The following VPS18 variants were observed in gnomAD, a reference collection of about 807,000 sequenced individuals.
The protein encoded by VPS18 is vacuolar protein sorting-associated protein 18 homolog.
Under a neutral mutation model 82.0 loss-of-function variants are expected in VPS18, and 25 were observed. The ratio of observed to expected loss-of-function variants is 0.30; its 90% CI spans 0.22 to 0.43. VPS18 has a LOEUF of 0.43. Ranked by LOEUF, VPS18 falls within the 20% of genes least tolerant of loss-of-function variation. VPS18 has a pLI of 1.00. For missense variants in VPS18, 1,168 were observed against 1,311.1 expected, an observed-to-expected ratio of 0.89 and a Z score of 1.69; for synonymous variants, 523 against 543.0, an observed-to-expected ratio of 0.96 and a Z score of 0.51.
chr15:40,900,927 C>G lies in VPS18; in HGVS notation c.2109C>G (p.Leu703=). ...VHYDLKYALR[L]CAEHGHHRAC... ...ACGACCTCAAGTATGCGCTGCGGCT[C>G]TGCGCCGAGCATGGCCACCACCGCG... Residue 703 remains leucine (L), a synonymous_variant, in exon 4 of 5, where the codon CTC becomes CTG. Transcript: ENST00000220509. This position sits in a 1 kb window ranked among gnomAD's most constrained non-coding sequence, Gnocchi z 5.4. 6.2e-7 allele frequency: 1 copy of G among 1,613,420 alleles called. No individual in the cohort carries two copies. Among genetic ancestry groups the G allele is most frequent in the South Asian group, 1.1e-5 (1 of 91,088 alleles).
chr15:40,896,453 C>G (rs1305407022), intron 2 of VPS18, among the ~76,000 whole-genome samples: 1 of 151,676 alleles, frequency 6.6e-6, no homozygotes, highest in Non-Finnish European at 1.5e-5. Context: ...AAGAGGATCA[C>G]TTGAGCCCAG....
At chr15:40,898,866 T>A (rs570044377) in intron 2 of VPS18, 41 bp from the exon 3 acceptor site, 2 of 1,577,008 alleles carry the variant, frequency 1.3e-6, no homozygotes, top group East Asian at 2.2e-5. Flanking sequence ...CAAAAAAGGA[T>A]CTTCCCTTCT....
In VPS18 at chr15:40,896,009, G is replaced by C. The variant is rs1892223159; in HGVS notation, c.163G>C (p.Glu55Gln). The C allele has an allele frequency of 1.9e-6, 3 of 1,614,144 alleles. No homozygotes were observed. The highest frequency in any genetic ancestry group is 2.5e-6 in the Non-Finnish European group (3 of 1,180,038). The change falls in exon 2 of 5, where the codon GAG becomes CAG. Residue 55 changes from glutamate (E) to glutamine (Q), a missense_variant. Glu to Gln is a conservative substitution (Grantham distance 29). Around this residue, in one of 3 missense-constraint regions of VPS18, gnomAD observed 868 missense variants for 939.8 expected, o/e 0.92. Transcript: ENST00000220509. ...GCAGCGCATTGACTTCACCCCTTCC[G>C]AGCGCATTACCAGTCTTGTCGTCTC... Reference protein sequence around the residue: ...TKQRIDFTPSERITSLVVSSN... With the variant: ...TKQRIDFTPSQRITSLVVSSN...
Position 40,900,628 on chromosome 15 carries a change from C to T in VPS18, c.1810C>T (p.Arg604Cys), listed in dbSNP as rs763584245. ...LFYKFSPILI[R>C]HIPRQLVDAW... ...CTACAAGTTCTCACCCATCCTCATC[C>T]GTCACATCCCCCGCCAGCTTGTAGA... is the stretch of plus-strand genomic sequence containing the variant. Residue 604 changes from arginine (R) to cysteine (C), a missense_variant, in exon 4 of 5, where the codon CGT (arginine) becomes TGT (cysteine). Arg to Cys is a radical substitution (Grantham distance 180, BLOSUM62 -3). This residue lies in a region of VPS18 where 868 missense variants were observed against 939.8 expected (regional missense o/e 0.92). Transcript: ENST00000220509. This position sits in a 1 kb window ranked among gnomAD's most constrained non-coding sequence, Gnocchi z 5.4. The T allele has an allele frequency of 1.1e-5, 17 of 1,614,036 alleles. No individual in the cohort carries two copies. The highest frequency in any genetic ancestry group is 3.3e-5 in the Admixed American group (2 of 60,006).
chr15:40,900,703 G>T lies in VPS18; in HGVS notation c.1885G>T (p.Ala629Ser). The T allele has an allele frequency of 6.2e-7, 1 of 1,614,194 alleles. No individual in the cohort carries two copies. ...SRLDARQLIP[A>S]LVNYSQGGEV... ...GCTGGATGCTCGTCAGCTCATTCCTGCCCTGGTGAACTACAGCCAGGGTGG... is the reference window on the plus strand; with the variant it reads ...GCTGGATGCTCGTCAGCTCATTCCTTCCCTGGTGAACTACAGCCAGGGTGG... Residue 629 changes from alanine to serine, a missense_variant, in exon 4 of 5, where the codon GCC becomes TCC. Physicochemically the swap from Ala to Ser is moderately conservative, Grantham distance 99. Coordinates refer to ENST00000220509, the MANE Select transcript of VPS18 (RefSeq NM_020857.3). The surrounding 1 kb of genome is among the most constrained non-coding windows in gnomAD (Gnocchi z 5.4).
chr15:40,899,826 G>T lies in VPS18; in HGVS notation c.1008G>T (p.Leu336=). Residue 336 remains leucine, a synonymous_variant, in exon 4 of 5, where the codon CTG becomes CTT. Transcript: ENST00000220509. The surrounding 1 kb of genome is among the most constrained non-coding windows in gnomAD (Gnocchi z 4.4). The stretch of plus-strand genomic sequence containing the variant: ...TCGTCTTGACCCAGTTCCACTTCCT[G>T]CTGCTACTGGCAGACCGGGTGGAGG... ...LAIVLTQFHF[L]LLLADRVEAV... is the part of the protein sequence containing the mutation. 1 of 1,609,592 alleles carries T rather than the reference G, an allele frequency of 6.2e-7. No homozygotes were observed.
chr15:40,895,644 T>C (rs1892216342), intron 1 of VPS18, among the ~76,000 whole-genome samples: 1 of 152,126 alleles, frequency 6.6e-6, no homozygotes, highest in African/African-American at 2.4e-5. Context: ...ACCAGTCCCG[T>C]CCCACCTCCA....
In VPS18 at chr15:40,900,370, G is replaced by C; in HGVS notation, c.1552G>C (p.Glu518Gln). ...CCCAGAGGCCCTGACTCTCTACCGA[G>C]AAACCAAGGAATGCTTTCGAACCTT... Reference protein sequence around the residue: ...GDPEALTLYRETKECFRTFLS... With the variant: ...GDPEALTLYRQTKECFRTFLS... The change falls in exon 4 of 5, where the codon GAA becomes CAA. Residue 518 changes from glutamate (E) to glutamine (Q), a missense_variant. This residue lies in a region of VPS18 where 868 missense variants were observed against 939.8 expected (regional missense o/e 0.92). Transcript: ENST00000220509. This position sits in a 1 kb window ranked among gnomAD's most constrained non-coding sequence, Gnocchi z 5.4. 2 of 1,613,680 alleles carry C rather than the reference G, an allele frequency of 1.2e-6. No homozygotes were observed. Among genetic ancestry groups the C allele is most frequent in the Non-Finnish European group, 1.7e-6 (2 of 1,179,998 alleles).
At chr15:40,898,819 T>A in intron 2 of VPS18, 88 bp from the exon 3 acceptor site, 1 of 1,351,244 alleles carries the variant, frequency 7.4e-7, no homozygotes, top group Non-Finnish European at 1.0e-6. Flanking sequence ...GAAGTAAGTC[T>A]ATGGCTTTTA....
chr15:40,902,697 G>A lies in VPS18; in HGVS notation c.2278G>A (p.Ala760Thr). The A allele has an allele frequency of 6.2e-7, 1 of 1,614,278 alleles. No homozygotes were observed. The highest frequency in any genetic ancestry group is 8.5e-7 in the Non-Finnish European group (1 of 1,180,054). ...ELRKKLWLKIARHVVQEEEDV... is the reference protein window; with the variant it reads ...ELRKKLWLKITRHVVQEEEDV... ...GCGCAAGAAGCTGTGGCTGAAGATC[G>A]CACGGCACGTGGTGCAGGAAGAGGA... The change falls in exon 5 of 5, where the codon GCA becomes ACA. Residue 760 changes from alanine (A) to threonine (T), a missense_variant. Ala to Thr is a moderately conservative substitution (Grantham distance 58). Around this residue, in one of 3 missense-constraint regions of VPS18, gnomAD observed 296 missense variants for 354.0 expected, o/e 0.84. Coordinates refer to ENST00000220509, the MANE Select transcript of VPS18 (RefSeq NM_020857.3). The surrounding 1 kb of genome is among the most constrained non-coding windows in gnomAD (Gnocchi z 4.2).
In VPS18 at chr15:40,896,007, C is replaced by A; in HGVS notation, c.161C>A (p.Ser54Tyr). Residue 54 changes from serine to tyrosine, a missense_variant, in exon 2 of 5, where the codon TCC becomes TAC. Physicochemically the swap from Ser to Tyr is moderately radical, Grantham distance 144 (BLOSUM62 -2). Around this residue, in one of 3 missense-constraint regions of VPS18, gnomAD observed 868 missense variants for 939.8 expected, o/e 0.92. Coordinates refer to ENST00000220509, the MANE Select transcript of VPS18 (RefSeq NM_020857.3). The part of the protein sequence containing the change: ...FTKQRIDFTP[S>Y]ERITSLVVSS... ...AAGCAGCGCATTGACTTCACCCCTT[C>A]CGAGCGCATTACCAGTCTTGTCGTC... 6.2e-7 allele frequency: 1 copy of A among 1,614,174 alleles called. No homozygotes were observed. The highest frequency in any genetic ancestry group is 8.5e-7 in the Non-Finnish European group (1 of 1,180,032).
chr15:40,903,109 A>T lies in VPS18; in HGVS notation c.2690A>T (p.Glu897Val), dbSNP rs1320878565. The T allele has an allele frequency of 6.2e-7, 1 of 1,613,158 alleles. No individual in the cohort carries two copies. Among genetic ancestry groups the T allele is most frequent in the Admixed American group, 1.7e-5 (1 of 59,874 alleles). Residue 897 changes from glutamate (E) to valine (V), a missense_variant, in exon 5 of 5, where the codon GAG becomes GTG. Transcript: ENST00000220509. ...LPAYKQARLEELQRKLGAAPP... is the reference protein window; with the variant it reads ...LPAYKQARLEVLQRKLGAAPP... The stretch of plus-strand genomic sequence containing the variant: ...GCCTACAAGCAGGCCCGGCTGGAGG[A>T]GCTGCAGAGGAAGCTGGGGGCTGCT...
At chr15:40,901,072 GA>G (rs1892349873) in intron 4 of VPS18, 58 bp downstream of exon 4, 1 of 1,550,800 alleles carries the variant, frequency 6.4e-7, no homozygotes, top group Non-Finnish European at 8.7e-7. Flanking sequence ...AGTAGCTTTA[GA>G]TGTGGAAGGG....
Position 40,900,586 on chromosome 15 carries a change from C to G in VPS18, c.1768C>G (p.Arg590Gly). ...GGCCCTGGCCGTGCTCGCCCGCCACCGTGACCCCCAGCTCTTCTACAAGTT... is the reference window on the plus strand; with the variant it reads ...GGCCCTGGCCGTGCTCGCCCGCCACGGTGACCCCCAGCTCTTCTACAAGTT... ...EEALAVLARH[R>G]DPQLFYKFSP... The change falls in exon 4 of 5, where the codon CGT becomes GGT. Residue 590 changes from arginine to glycine, a missense_variant. Transcript: ENST00000220509. The surrounding 1 kb of genome is among the most constrained non-coding windows in gnomAD (Gnocchi z 5.4). 6.2e-7 allele frequency: 1 copy of G among 1,613,966 alleles called. No homozygotes were observed.
At chr15:40,901,836 G>A (rs1483419977) in intron 4 of VPS18, among the ~76,000 whole-genome samples, 3 of 152,186 alleles carry the variant, frequency 2.0e-5, no homozygotes, top group Non-Finnish European at 4.4e-5. Flanking sequence ...AACCTGGGAG[G>A]AGGAGGTTTC....
chr15:40,899,417 G>A lies in VPS18; in HGVS notation c.599G>A (p.Gly200Glu). The A allele has an allele frequency of 6.2e-7, 1 of 1,603,714 alleles. No homozygotes were observed. The highest frequency in any genetic ancestry group is 8.5e-7 in the Non-Finnish European group (1 of 1,172,370). Residue 200 changes from glycine (G) to glutamate (E), a missense_variant, in exon 4 of 5, where the codon GGG becomes GAG. By Grantham distance (98) the Gly-to-Glu change is moderately conservative. This residue lies in a region of VPS18 where 868 missense variants were observed against 939.8 expected (regional missense o/e 0.92). Transcript: ENST00000220509. This position sits in a 1 kb window ranked among gnomAD's most constrained non-coding sequence, Gnocchi z 4.4. Reference protein sequence around the residue: ...FRPLYVLNEEGGPAPVCSLEA... With the variant: ...FRPLYVLNEEEGPAPVCSLEA... ...CCATTGTACGTGCTAAATGAAGAAGGGGGTCCAGCACCTGTGTGCTCCCTT... is the reference window on the plus strand; with the variant it reads ...CCATTGTACGTGCTAAATGAAGAAGAGGGTCCAGCACCTGTGTGCTCCCTT...
In VPS18 at chr15:40,900,709, G is replaced by A; in HGVS notation, c.1891G>A (p.Val631Met). ...TGCTCGTCAGCTCATTCCTGCCCTG[G>A]TGAACTACAGCCAGGGTGGTGAGGT... ...LDARQLIPAL[V>M]NYSQGGEVQQ... The change falls in exon 4 of 5, where the codon GTG (valine) becomes ATG (methionine). Residue 631 changes from valine (V) to methionine (M), a missense_variant. Val to Met is a conservative substitution (Grantham distance 21). Coordinates refer to ENST00000220509, the MANE Select transcript of VPS18 (RefSeq NM_020857.3). The surrounding 1 kb of genome is among the most constrained non-coding windows in gnomAD (Gnocchi z 5.4). 1 of 1,614,206 alleles carries A rather than the reference G, an allele frequency of 6.2e-7. No homozygotes were observed.
chr15:40,896,111 G>A (rs780516964), intron 2 of VPS18, 32 bp downstream of exon 2: 1 of 1,612,526 alleles, frequency 6.2e-7, no homozygotes, highest in South Asian at 1.1e-5. Flanking sequence ...TTAGGAGTAG[G>A]GACTAGAGAG....
Position 40,896,648 on chromosome 15 carries a change from T to C in VPS18, c.233+569T>C, listed in dbSNP as rs574026170. ...CAACATGGTGAAACGCTGTTTCTAC[T>C]AAAAATACAAAAGTTAGCCGGGCGT... On this transcript the variant is annotated intron_variant, in intron 2 of 4. Transcript: ENST00000220509. 4.1e-4 allele frequency among the ~76,000 whole-genome samples: 62 copies of C among 151,790 alleles called. 2 individuals carry two copies. In the South Asian group the frequency reaches 0.013, roughly 31 times the overall value.
Sources: allele counts gnomAD v4.1 joint callset (sites outside exome capture counted in the v4.1 genomes callset), GRCh38; gene constraint gnomAD v4.1.1; regional missense constraint gnomAD v4.1.1; non-coding constraint Gnocchi (gnomAD v3.1); transcripts MANE v1.5; gene names NCBI Gene and HGNC (gene_info 2026-07-23, HGNC 2026-07-21).